The following TCF20 variants were observed in gnomAD, a reference collection of about 807,000 sequenced individuals.
TCF20 encodes the protein SPRE-binding protein.
Under a neutral mutation model 148.6 loss-of-function variants are expected in TCF20, and 3 were observed. The ratio of observed to expected loss-of-function variants is 0.02; its 90% confidence interval spans 0.01 to 0.05. TCF20 has a LOEUF of 0.05. Ranked by LOEUF, TCF20 falls within the 10% of genes least tolerant of loss-of-function variation. The pLI, the probability that TCF20 is intolerant of heterozygous loss-of-function variation, is 1.00. For synonymous variants in TCF20, 1,049 were observed against 909.5 expected, an observed-to-expected ratio of 1.15 and a Z score of -2.76; for missense variants, 2,350 against 2,429.3, an observed-to-expected ratio of 0.97 and a Z score of 0.69.
intron 2 of TCF20, among the ~76,000 whole-genome samples, chr22:42,199,633 G>C (rs941399105): frequency 2.8e-5 from 4 of 141,550 alleles, no homozygotes; most frequent in African/African-American, 1.1e-4. Context: ...ACTTTGGGAG[G>C]CCAAGGCAAG....
chr22:42,250,250 C>T (rs1925251310), intron 1 of TCF20, among the ~76,000 whole-genome samples: 1 of 152,002 alleles, frequency 6.6e-6, no homozygotes, highest in Non-Finnish European at 1.5e-5. Flanking sequence ...GCCAGCCTGG[C>T]CAATACGGTG....
At chr22:42,162,406 T>TA (rs1227076933) in intron 5 of TCF20, among the ~76,000 whole-genome samples, 7 of 152,168 alleles carry the variant, frequency 4.6e-5, no homozygotes, top group Admixed American at 4.6e-4. Flanking sequence ...CTGAGACCCC[T>TA]AGGTCTCCCA....
chr22:42,183,438 G>T (rs1347840353), intron 2 of TCF20, among the ~76,000 whole-genome samples: 1 of 152,236 alleles, frequency 6.6e-6, no homozygotes, highest in Non-Finnish European at 1.5e-5. Context: ...CCCAGAGGGA[G>T]TTACAGTTGT....
At chr22:42,254,575 G>A (rs1925616345) in intron 1 of TCF20, among the ~76,000 whole-genome samples, 1 of 152,170 alleles carries the variant, frequency 6.6e-6, no homozygotes, top group Non-Finnish European at 1.5e-5. Context: ...CCATTCACCT[G>A]CCCTAAGGCA....
At chr22:42,252,230 T>C in intron 1 of TCF20, among the ~76,000 whole-genome samples, 1 of 149,146 alleles carries the variant, frequency 6.7e-6, no homozygotes, top group South Asian at 2.1e-4. Flanking sequence ...GAGGTTGCAG[T>C]GAGCCGAGCA....
At chr22:42,277,195 C>T (rs1415359103) in intron 1 of TCF20, 2 of 152,214 alleles carry the variant, frequency 1.3e-5, no homozygotes, top group Non-Finnish European at 2.9e-5. Context: ...AAATTATATC[C>T]TCTTTCAAGT....
chr22:42,283,958 AG>A (rs1444076495), exon 1 of TCF20, among the ~76,000 whole-genome samples: 1 of 152,208 alleles, frequency 6.6e-6, no homozygotes, highest in African/African-American at 2.4e-5. Flanking sequence ...GGAAAAGGAA[AG>A]GGGGGCAGTT....
At chr22:42,183,838 G>A (rs546207692) in intron 2 of TCF20, among the ~76,000 whole-genome samples, 219 of 150,250 alleles carry the variant, frequency 1.5e-3, no homozygotes, top group Non-Finnish European at 2.2e-3. Context: ...GCATGATCTC[G>A]GCTCACCGCA....
intron 1 of TCF20, among the ~76,000 whole-genome samples, chr22:42,249,093 T>C (rs1207927196): frequency 6.6e-6 from 1 of 152,164 alleles, no homozygotes; most frequent in East Asian, 1.9e-4. Context: ...AGAACAGACT[T>C]TTCTTCTGCT....
intron 3 of TCF20, among the ~76,000 whole-genome samples, chr22:42,170,754 C>T (rs1359801288): frequency 1.3e-5 from 2 of 151,576 alleles, no homozygotes; most frequent in African/African-American, 4.9e-5. Flanking sequence ...CACGATATCA[C>T]CAATAAATGC....
intron 3 of TCF20, 97 bp downstream of exon 3, chr22:42,179,499 AAAAAAAAAAAAAG>A: frequency 2.8e-6 from 2 of 703,754 alleles, no homozygotes; most frequent in Non-Finnish European, 4.3e-6. Flanking sequence ...ACAAAAAAAA[AAAAAAAAAAAAAG>A]AAAAGAAAAG....
chr22:42,248,218 AGT>A (rs1925081025), intron 1 of TCF20, among the ~76,000 whole-genome samples: 1 of 152,216 alleles, frequency 6.6e-6, no homozygotes, highest in South Asian at 2.1e-4. Context: ...AAAGCCTGTC[AGT>A]GTGGGGAGAA....
chr22:42,236,193 CAAAAACAA>C (rs1923868928), intron 1 of TCF20, among the ~76,000 whole-genome samples: 1 of 151,486 alleles, frequency 6.6e-6, no homozygotes. Context: ...CAAACAAAAA[CAAAAACAA>C]AAAAACAAGT....
chr22:42,245,074 T>G (rs1274257255), intron 1 of TCF20, among the ~76,000 whole-genome samples: 1 of 151,686 alleles, frequency 6.6e-6, no homozygotes, highest in Non-Finnish European at 1.5e-5. Flanking sequence ...CAGAGCCGGA[T>G]CCTGTCTCAG....
intron 1 of TCF20, chr22:42,278,288 G>A (rs1402749442): frequency 6.6e-6 from 1 of 152,244 alleles, no homozygotes; most frequent in Non-Finnish European, 1.5e-5. Flanking sequence ...GCAGCCCTCT[G>A]AGCTGGGTAG....
chr22:42,290,204 G>A lies in TCF20; in HGVS notation c.-37+53275C>T, dbSNP rs1569202023. Reference sequence around the variant, plus strand: ...AGAGGTGGGCCAGAGCCTGCAGCAGGGCCTGCCCCCTTCATCCTGTCTCTT... The same window carrying A: ...AGAGGTGGGCCAGAGCCTGCAGCAGAGCCTGCCCCCTTCATCCTGTCTCTT... On this transcript the variant is annotated intron_variant, in intron 1 of 1. Coordinates refer to the TCF20 transcript ENST00000515426. The surrounding 1 kb of genome is among the most constrained non-coding windows in gnomAD (Gnocchi z 4.2). 6.6e-6 allele frequency among the ~76,000 whole-genome samples: 1 copy of A among 152,018 alleles called. No homozygotes were observed. The highest frequency in any genetic ancestry group is 2.4e-5 in the African/African-American group (1 of 41,390).
intron 1 of TCF20, among the ~76,000 whole-genome samples, chr22:42,217,819 T>C (rs1921961754): frequency 6.6e-6 from 1 of 152,144 alleles, no homozygotes; most frequent in African/African-American, 2.4e-5. Flanking sequence ...CTTCAGAAAG[T>C]AAATATTGAT....
intron 1 of TCF20, among the ~76,000 whole-genome samples, chr22:42,322,815 T>C (rs1601706289): frequency 1.3e-5 from 2 of 151,448 alleles, no homozygotes; most frequent in East Asian, 1.9e-4. Flanking sequence ...AGTAAATGAA[T>C]GTGCCTCCTG....
intron 1 of TCF20, among the ~76,000 whole-genome samples, chr22:42,304,839 G>T (rs370006410): frequency 1.3e-5 from 2 of 152,090 alleles, no homozygotes; most frequent in Non-Finnish European, 2.9e-5. Context: ...TGTGAACCAG[G>T]TGTCAGTTGT....
Sources: gnomAD v4.1 joint callset for allele counts (sites outside exome capture counted in the v4.1 genomes callset) on GRCh38, gnomAD v4.1.1 for gene constraint, Gnocchi (gnomAD v3.1) non-coding constraint, MANE v1.5 for transcripts, NCBI Gene and HGNC (gene_info 2026-07-23, HGNC 2026-07-21) for gene names.